FUT9: variants seen among roughly 807,000 people sequenced by gnomAD.
FUT9 encodes the protein fucosyltransferase 9.
Under a neutral mutation model 29.7 loss-of-function variants are expected in FUT9, and 15 were observed. The ratio of observed to expected loss-of-function variants is 0.51; its 90% CI spans 0.34 to 0.78. FUT9 has a LOEUF of 0.78. Ranked by LOEUF, FUT9 falls within the 30% of genes least tolerant of loss-of-function variation. The probability of loss-of-function intolerance (pLI) is 0.01; values close to 1 mark genes in which losing one functional copy is unlikely to be tolerated. For synonymous variants in FUT9, 169 were observed against 153.7 expected, an observed-to-expected ratio of 1.10 and a Z score of -0.74; for missense variants, 319 against 425.4, an observed-to-expected ratio of 0.75 and a Z score of 2.20.
chr6:96,090,494 A>C (rs115097635), intron 1 of FUT9, among the ~76,000 whole-genome samples: 2,863 of 152,038 alleles, frequency 0.019, 84 homozygotes, highest in African/African-American at 0.065. Flanking sequence ...ATCAACTCAA[A>C]TTTTACTATT....
At chr6:96,164,483 C>G (rs945115318) in intron 2 of FUT9, among the ~76,000 whole-genome samples, 2 of 152,086 alleles carry the variant, frequency 1.3e-5, no homozygotes, top group Non-Finnish European at 2.9e-5. Flanking sequence ...TGGTCTCAAC[C>G]TCCTGACCTC....
At chr6:96,116,644 A>G (rs1442051012) in intron 2 of FUT9, among the ~76,000 whole-genome samples, 3 of 152,220 alleles carry the variant, frequency 2.0e-5, no homozygotes, top group Non-Finnish European at 1.5e-5. Flanking sequence ...TCATGGATGA[A>G]CGTTTTAGTG....
intron 1 of FUT9, among the ~76,000 whole-genome samples, chr6:96,059,932 G>T (rs1317604263): frequency 6.6e-6 from 1 of 152,044 alleles, no homozygotes; most frequent in Non-Finnish European, 1.5e-5. Flanking sequence ...TTTCTGAATG[G>T]TATTTCAGTA....
intron 2 of FUT9, among the ~76,000 whole-genome samples, chr6:96,121,451 G>T (rs1772025533): frequency 6.6e-6 from 1 of 152,178 alleles, no homozygotes; most frequent in East Asian, 1.9e-4. Context: ...CAGTGAACTA[G>T]CCCCCCTAGG....
intron 2 of FUT9, among the ~76,000 whole-genome samples, chr6:96,195,580 T>C (rs1259193618): frequency 6.6e-6 from 1 of 152,158 alleles, no homozygotes; most frequent in Non-Finnish European, 1.5e-5. Flanking sequence ...AGAGGTTCAA[T>C]AGAATTTGAA....
intron 1 of FUT9, among the ~76,000 whole-genome samples, chr6:96,102,070 C>T (rs1381103522): frequency 1.3e-5 from 2 of 151,882 alleles, no homozygotes; most frequent in African/African-American, 2.4e-5. Context: ...TTCAATAAAA[C>T]ACAATAAAAC....
intron 1 of FUT9, among the ~76,000 whole-genome samples, chr6:96,069,061 C>T (rs962660386): frequency 6.6e-6 from 1 of 152,100 alleles, no homozygotes; most frequent in Non-Finnish European, 1.5e-5. Flanking sequence ...TTACGCCTGT[C>T]ATTCCAGCAC....
intron 2 of FUT9, among the ~76,000 whole-genome samples, chr6:96,162,566 C>CA (rs1772932318): frequency 6.6e-6 from 1 of 152,112 alleles, no homozygotes; most frequent in African/African-American, 2.4e-5. Context: ...TGTTGAAAGC[C>CA]AGAAGGAGTG....
chr6:96,139,543 T>C (rs1417488808), intron 2 of FUT9, among the ~76,000 whole-genome samples: 3 of 152,174 alleles, frequency 2.0e-5, no homozygotes, highest in Non-Finnish European at 2.9e-5. Context: ...ACCCCACATT[T>C]TCCTTCTGCA....
intron 1 of FUT9, among the ~76,000 whole-genome samples, chr6:96,076,199 C>A (rs1771140203): frequency 6.6e-6 from 1 of 151,880 alleles, no homozygotes; most frequent in South Asian, 2.1e-4. Flanking sequence ...ATTTTCTACA[C>A]CAAATGGTAC....
intron 2 of FUT9, among the ~76,000 whole-genome samples, chr6:96,123,101 T>G (rs1772062658): frequency 7.1e-6 from 1 of 141,394 alleles, no homozygotes; most frequent in Non-Finnish European, 1.5e-5. Flanking sequence ...AAAAAAAAGC[T>G]TATATTGTAG....
chr6:96,065,921 A>G (rs1770954525), intron 1 of FUT9, among the ~76,000 whole-genome samples: 1 of 152,206 alleles, frequency 6.6e-6, no homozygotes. Context: ...AAGTCATTCC[A>G]AAGTCTGGCC....
intron 2 of FUT9, among the ~76,000 whole-genome samples, chr6:96,147,381 C>G (rs1772589580): frequency 6.6e-6 from 1 of 152,024 alleles, no homozygotes; most frequent in Non-Finnish European, 1.5e-5. Flanking sequence ...ATTGGCCAGG[C>G]TGGTCTGGAA....
In FUT9 at chr6:96,207,649, A is replaced by C. The variant is rs1286497660; in HGVS notation, c.*3414A>C. On this transcript the variant is annotated 3_prime_UTR_variant, in exon 3 of 3. Coordinates refer to ENST00000302103, the MANE Select transcript of FUT9 (RefSeq NM_006581.4). ...ACTCATGAAAAAGATATATTGATTC[A>C]ACAAAATTGGTTTGCTGTTGATTAT... The C allele has an allele frequency of 6.0e-6, 1 of 167,018 alleles. No homozygotes were observed. The highest frequency in any genetic ancestry group is 2.4e-5 in the African/African-American group (1 of 41,442). 10.3% of individuals were successfully genotyped at this position (167,018 alleles called of 1,614,324 possible). A position where few individuals can be genotyped will look rare whatever the true frequency, so the allele number is the denominator to read the frequency against.
intron 1 of FUT9, among the ~76,000 whole-genome samples, chr6:96,083,883 A>T (rs966326456): frequency 1.3e-5 from 2 of 151,934 alleles, no homozygotes; most frequent in African/African-American, 4.8e-5. Context: ...TCTATTCTTG[A>T]TGACTATTTC....
chr6:96,028,076 A>G (rs1414056404), intron 1 of FUT9, among the ~76,000 whole-genome samples: 1 of 151,652 alleles, frequency 6.6e-6, no homozygotes, highest in African/African-American at 2.4e-5. Flanking sequence ...TCAAGAAATG[A>G]CTGGCTTGCT....
chr6:96,148,389 T>C (rs370170819), intron 2 of FUT9, among the ~76,000 whole-genome samples: 2 of 152,150 alleles, frequency 1.3e-5, no homozygotes, highest in South Asian at 2.1e-4. Flanking sequence ...AGTTTCTCCA[T>C]TAAGGTGGAT....
At chr6:96,098,774 A>T (rs949895248) in intron 1 of FUT9, among the ~76,000 whole-genome samples, 2 of 152,190 alleles carry the variant, frequency 1.3e-5, no homozygotes, top group South Asian at 4.1e-4. Flanking sequence ...CTGCTTAACT[A>T]TTCAACCCAC....
At chr6:96,092,500 C>T (rs1413801819) in intron 1 of FUT9, among the ~76,000 whole-genome samples, 1 of 152,102 alleles carries the variant, frequency 6.6e-6, no homozygotes, top group Non-Finnish European at 1.5e-5. Context: ...TAGGAATCTG[C>T]ATCATCTGAT....
Sources: allele counts gnomAD v4.1 joint callset (sites outside exome capture counted in the v4.1 genomes callset), GRCh38; gene constraint gnomAD v4.1.1; transcripts MANE v1.5; gene names NCBI Gene and HGNC (gene_info 2026-07-23, HGNC 2026-07-21).